The following SSC5D variants were observed in gnomAD, a reference collection of about 807,000 sequenced individuals.
SSC5D encodes soluble scavenger receptor cysteine-rich domain-containing protein SSC5D.
SSC5D carries 106 observed loss-of-function variants against 104.6 expected under a neutral mutation model. The ratio of observed to expected loss-of-function variants is 1.01; its 90% confidence interval spans 0.87 to 1.19. The LOEUF is 1.19. Ranked by LOEUF, SSC5D falls within the 50% of genes most tolerant of loss-of-function variation. The pLI is 0.00. For synonymous variants in SSC5D, 860 were observed against 883.5 expected (o/e 0.97, Z 0.47); for missense variants, 1,993 against 2,153.8 (o/e 0.93, Z 1.48).
intron 12 of SSC5D, among the ~76,000 whole-genome samples, chr19:55,505,759 CAG>C (rs1220611413): frequency 2.6e-5 from 4 of 151,752 alleles, no homozygotes; most frequent in Non-Finnish European, 5.9e-5. Flanking sequence ...ATTTATGAGA[CAG>C]AGTCTCACTC....
intron 4 of SSC5D, 105 bp downstream of exon 4, chr19:55,490,100 G>GT: frequency 2.1e-6 from 1 of 466,340 alleles, no homozygotes; most frequent in Non-Finnish European, 3.3e-6. Flanking sequence ...GTGCCCTCCT[G>GT]CCCCCACCGA....
chr19:55,493,944 G>A (rs1440936524), intron 7 of SSC5D, 32 bp downstream of exon 7: 4 of 1,502,574 alleles, frequency 2.7e-6, no homozygotes, highest in Non-Finnish European at 2.7e-6. Flanking sequence ...ACCGGGAGGT[G>A]GGCGTGGTGG....
chr19:55,512,365 CAAA>C (rs374519949), intron 12 of SSC5D, among the ~76,000 whole-genome samples: 1 of 132,766 alleles, frequency 7.5e-6, no homozygotes, highest in Non-Finnish European at 1.6e-5. Flanking sequence ...TGCATTTGGC[CAAA>C]AAAAAAAAAA....
chr19:55,511,304 C>T (rs1987750944), intron 12 of SSC5D, among the ~76,000 whole-genome samples: 1 of 152,172 alleles, frequency 6.6e-6, no homozygotes, highest in Non-Finnish European at 1.5e-5. Context: ...CAAGGGATTT[C>T]TGTAATTGGG....
intron 12 of SSC5D, chr19:55,504,251 G>A: frequency 2.0e-6 from 3 of 1,518,902 alleles, no homozygotes; most frequent in Non-Finnish European, 2.6e-6. Flanking sequence ...GAGACAGCGG[G>A]TCCGGCCTCG....
At chr19:55,490,108 C>G (rs1165652089) in intron 4 of SSC5D, 113 bp downstream of exon 4, 6 of 659,126 alleles carry the variant, frequency 9.1e-6, no homozygotes, top group Non-Finnish European at 5.1e-6. Context: ...CTGCCCCCAC[C>G]GAGGGGAGAG....
Position 55,510,400 on chromosome 19 carries a change from G to A in SSC5D, c.2786-2611G>A, listed in dbSNP as rs149101096. Among the ~76,000 whole-genome samples the A allele has an allele frequency of 2.1e-3, 317 of 152,290 alleles. 2 individuals carry two copies. The highest frequency in any genetic ancestry group is 7.6e-3 in the African/African-American group (314 of 41,556). On this transcript the variant is annotated intron_variant, in intron 12 of 13. Transcript: ENST00000389623. ...TTTTGCTCTTGTTGCCCAGGCTTGA[G>A]TGCAGTGACATGATCTTGGCTCACT...
rs1237354452 is a variant in SSC5D, at chr19:55,518,255, A to G, written c.3979A>G (p.Thr1327Ala). 1 of 1,539,036 alleles carries G rather than the reference A, an allele frequency of 6.5e-7. No homozygotes were observed. Among genetic ancestry groups the G allele is most frequent in the Admixed American group, 2.0e-5 (1 of 49,306 alleles). ...TCCCACCACGACCCCTCACCCCACA[A>G]CTCCTGACCCTTCCTCAACCCCTGT... ...PDPTTTPHPT[T>A]PDPSSTPVIT... The change falls in exon 14 of 14, where the codon ACT becomes GCT. Residue 1327 changes from threonine (T) to alanine (A), a missense_variant. Transcript: ENST00000389623.
chr19:55,518,923 C>G lies in SSC5D; in HGVS notation c.4647C>G (p.Ala1549=). The part of the protein sequence containing the change: ...GEAVKRLAEM[A]WTTSMPAPTT... ...CTGTGAAGAGACTGGCAGAGATGGC[C>G]TGGACCACCAGCATGCCTGCACCAA... Residue 1549 remains alanine, a synonymous_variant, in exon 14 of 14, where the codon GCC becomes GCG. Coordinates refer to ENST00000389623, the MANE Select transcript of SSC5D (RefSeq NM_001144950.2). 2 of 1,550,356 alleles carry G rather than the reference C, an allele frequency of 1.3e-6. No homozygotes were observed. Among genetic ancestry groups the G allele is most frequent in the Non-Finnish European group, 1.7e-6 (2 of 1,146,956 alleles).
chr19:55,517,198 T>A, intron 13 of SSC5D, 26 bp from the exon 14 acceptor site: 1 of 1,524,710 alleles, frequency 6.6e-7, no homozygotes, highest in Non-Finnish European at 8.8e-7. Context: ...CCTCAGACCG[T>A]CCGTCTGTCT....
At position 55,517,358 on chromosome 19, in the gene SSC5D, C is replaced by G. The variant is rs750780205; in HGVS notation, c.3082C>G (p.Arg1028Gly). Residue 1028 changes from arginine to glycine, a missense_variant, in exon 14 of 14, where the codon CGA becomes GGA. This residue lies in a region of SSC5D where 423 missense variants were observed against 409.2 expected (regional missense o/e 1.03). Transcript: ENST00000389623. ...PGPALTSDSS[R>G]ELTPHSALTS... ...CCCAGCGCTGACCTCTGACTCCAGT[C>G]GAGAGCTCACTCCCCACTCAGCCTT... The G allele has an allele frequency of 3.5e-5, 54 of 1,550,318 alleles. No individual in the cohort carries two copies. Among genetic ancestry groups the G allele is most frequent in the Non-Finnish European group, 4.5e-5 (52 of 1,146,908 alleles).
chr19:55,495,233 A>ATTTTTT lies in SSC5D; in HGVS notation c.1387+472_1387+477dup, dbSNP rs74181759. ...CCTCCTTTCATATATATATATATAT[A>ATTTTTT]TTTTTTTTTTTTTTTTTTTTTTTTT... is the stretch of plus-strand genomic sequence containing the variant. On this transcript the variant is annotated intron_variant, in intron 8 of 13. Coordinates refer to ENST00000389623, the MANE Select transcript of SSC5D (RefSeq NM_001144950.2). Among the ~76,000 whole-genome samples, 7 of 50,658 alleles carry ATTTTTT rather than the reference A, an allele frequency of 1.4e-4. 1 individual carries two copies. The highest frequency in any genetic ancestry group is 2.9e-4 in the African/African-American group (3 of 10,222). The allele number at this position is 50,658 out of a possible 152,430, so 33.2% of individuals were successfully genotyped here.
intron 12 of SSC5D, among the ~76,000 whole-genome samples, chr19:55,509,328 G>A (rs1323859962): frequency 6.6e-6 from 1 of 152,142 alleles, no homozygotes; most frequent in Non-Finnish European, 1.5e-5. Context: ...TATCTAAGGA[G>A]ATACATCTGC....
At position 55,500,282 on chromosome 19, in the gene SSC5D, G is replaced by A. The variant is rs1987448803; in HGVS notation, c.2172G>A (p.Met724Ile). The A allele has an allele frequency of 6.4e-7, 1 of 1,550,916 alleles. No homozygotes were observed. The highest frequency in any genetic ancestry group is 2.0e-5 in the Admixed American group (1 of 50,864). Residue 724 changes from methionine (M) to isoleucine (I), a missense_variant, in exon 10 of 14, where the codon ATG (methionine) becomes ATA (isoleucine). Met to Ile is a conservative substitution (Grantham distance 10). Transcript: ENST00000389623. This position sits in a 1 kb window ranked among gnomAD's most constrained non-coding sequence, Gnocchi z 4.6. ...AMLTTQGPQE[M>I]TSESTIKSIP... ...TGACCACTCAAGGCCCCCAAGAAAT[G>A]ACCTCTGAGTCCACTATCAAGAGTA... is the stretch of plus-strand genomic sequence containing the variant.
At chr19:55,512,940 G>A in intron 12 of SSC5D, 71 bp from the exon 13 acceptor site, 2 of 1,538,300 alleles carry the variant, frequency 1.3e-6, no homozygotes, top group Non-Finnish European at 1.8e-6. Context: ...GCTGGCCCAG[G>A]AGGAGAGAGA....
intron 8 of SSC5D, among the ~76,000 whole-genome samples, chr19:55,495,802 G>A (rs1445461744): frequency 5.3e-5 from 8 of 151,714 alleles, no homozygotes; most frequent in Non-Finnish European, 1.0e-4. Flanking sequence ...GAGTGCAGTG[G>A]TGTAATCACA....
intron 12 of SSC5D, among the ~76,000 whole-genome samples, chr19:55,507,763 T>C (rs576566610): frequency 2.6e-5 from 4 of 151,192 alleles, no homozygotes; most frequent in African/African-American, 9.7e-5. Context: ...GGGTGCATGC[T>C]CTGCTGGTTC....
rs1456782616 is a variant in SSC5D at position 55,500,155 on chromosome 19, G to T, written c.2045G>T (p.Arg682Ile). The change falls in exon 10 of 14, where the codon AGA (arginine) becomes ATA (isoleucine). Residue 682 changes from arginine to isoleucine, a missense_variant. Transcript: ENST00000389623. This position sits in a 1 kb window ranked among gnomAD's most constrained non-coding sequence, Gnocchi z 4.6. Reference sequence around the variant, plus strand: ...CGAAGACCTACCTCTGAGTTTACCAGAAGGCCGACCACGGAGGCCCCCCAG... The same window carrying T: ...CGAAGACCTACCTCTGAGTTTACCATAAGGCCGACCACGGAGGCCCCCCAG... ...ASRRPTSEFT[R>I]RPTTEAPQRW... 8.4e-6 allele frequency: 13 copies of T among 1,551,244 alleles called. No homozygotes were observed. The highest frequency in any genetic ancestry group is 1.1e-5 in the Non-Finnish European group (13 of 1,146,876).
intron 13 of SSC5D, among the ~76,000 whole-genome samples, chr19:55,514,050 G>C (rs562634345): frequency 1.2e-4 from 18 of 152,296 alleles, no homozygotes; most frequent in African/African-American, 4.3e-4. Flanking sequence ...GATGTGGGAA[G>C]ACAGGCAACC....
Sources: allele counts gnomAD v4.1 joint callset (sites outside exome capture counted in the v4.1 genomes callset), GRCh38; gene constraint gnomAD v4.1.1; regional missense constraint gnomAD v4.1.1; non-coding constraint Gnocchi (gnomAD v3.1); transcripts MANE v1.5; gene names NCBI Gene and HGNC (gene_info 2026-07-23, HGNC 2026-07-21).